NPR2: variants seen among roughly 807,000 people sequenced by gnomAD.
NPR2 encodes the protein atrial natriuretic peptide receptor 2.
A neutral mutation model predicts 120.7 loss-of-function variants in NPR2; 49 were observed. The observed-to-expected ratio is 0.41, with a 90% CI of 0.32 to 0.52. NPR2 has a LOEUF of 0.52. Ranked by LOEUF, NPR2 falls within the 20% of genes least tolerant of loss-of-function variation. The probability of loss-of-function intolerance (pLI) is 0.36; values close to 1 mark genes in which losing one functional copy is unlikely to be tolerated. For synonymous variants in NPR2, 484 were observed against 519.8 expected, an observed-to-expected ratio of 0.93 and a Z score of 0.94; for missense variants, 931 against 1,362.9, an observed-to-expected ratio of 0.68 and a Z score of 4.99.
rs370934186 is a variant in NPR2 at position 35,806,553 on chromosome 9, C to A, written c.2519+15C>A. The A allele has an allele frequency of 6.2e-7, 1 of 1,613,942 alleles. No homozygotes were observed. The highest frequency in any genetic ancestry group is 1.3e-5 in the African/African-American group (1 of 74,900). ...ATCCTACCCCAGTGAGACTTTGTCC[C>A]CCTTCCTGTATTTTCTTTTGGGATT... On this transcript the variant is annotated intron_variant, in intron 16 of 21. Coordinates refer to ENST00000342694, the MANE Select transcript of NPR2 (RefSeq NM_003995.4). This position sits in a 1 kb window ranked among gnomAD's most constrained non-coding sequence, Gnocchi z 4.6.
Position 35,802,101 on chromosome 9 carries a change from C to A in NPR2, c.1632+101C>A. On this transcript the variant is annotated intron_variant, in intron 9 of 21. Coordinates refer to ENST00000342694, the MANE Select transcript of NPR2 (RefSeq NM_003995.4). The surrounding 1 kb of genome is among the most constrained non-coding windows in gnomAD (Gnocchi z 4.2). Reference sequence around the variant, plus strand: ...ACCTCTGTCCCTCATACCCGACTCTCTGTGCCCAGCTGAGCTCCTGGGTGC... The same window carrying A: ...ACCTCTGTCCCTCATACCCGACTCTATGTGCCCAGCTGAGCTCCTGGGTGC... The A allele has an allele frequency of 7.5e-7, 1 of 1,329,898 alleles. No homozygotes were observed. 82.4% of individuals were successfully genotyped at this position (1,329,898 alleles called of 1,614,324 possible).
rs754928680 is a variant in NPR2 at position 35,806,479 on chromosome 9, A to G, written c.2460A>G (p.Thr820=). 6.2e-7 allele frequency: 1 copy of G among 1,614,078 alleles called. No individual in the cohort carries two copies. The highest frequency in any genetic ancestry group is 8.5e-7 in the Non-Finnish European group (1 of 1,180,018). The change falls in exon 16 of 22, where the codon ACA becomes ACG. Residue 820 remains threonine (T), a synonymous_variant. Coordinates refer to ENST00000342694, the MANE Select transcript of NPR2 (RefSeq NM_003995.4). The surrounding 1 kb of genome is among the most constrained non-coding windows in gnomAD (Gnocchi z 4.6). ...NNLEKLVEER[T]QAYLEEKRKA... ...TGGAGAAGCTGGTGGAGGAACGCAC[A>G]CAGGCCTATCTGGAGGAAAAACGCA...
At position 35,804,233 on chromosome 9, in the gene NPR2, CTTT is replaced by C. The variant is rs11328092; in HGVS notation, c.1888-1264_1888-1262del. On this transcript the variant is annotated intron_variant, in intron 12 of 21. Transcript: ENST00000342694. ...TCATTTTTGGGGAGCATCATTAAGA[CTTT>C]TTTTTTTTTTTTTCTGAGACAGGGT... Among the ~76,000 whole-genome samples, 94 of 139,548 alleles carry C rather than the reference CTTT, an allele frequency of 6.7e-4. No individual in the cohort carries two copies. In the East Asian group the frequency reaches 7.6e-3, roughly 11 times the overall value. 91.5% of individuals were successfully genotyped at this position (139,548 alleles called of 152,430 possible).
Position 35,808,045 on chromosome 9 carries a change from T to G in NPR2, c.2713-464T>G, listed in dbSNP as rs1828505618. 6 of 725,576 alleles carry G rather than the reference T, an allele frequency of 8.3e-6. No homozygotes were observed. Among genetic ancestry groups the G allele is most frequent in the Non-Finnish European group, 1.5e-5 (6 of 412,836 alleles). 44.9% of individuals were successfully genotyped at this position (725,576 alleles called of 1,614,324 possible). A position where few individuals can be genotyped will look rare whatever the true frequency, so the allele number is the denominator to read the frequency against. On this transcript the variant is annotated intron_variant, in intron 18 of 21. Coordinates refer to ENST00000342694, the MANE Select transcript of NPR2 (RefSeq NM_003995.4). This position sits in a 1 kb window ranked among gnomAD's most constrained non-coding sequence, Gnocchi z 4.0. ...TATTTCCTAAAAACTTCACTGTGTA[T>G]TTCCTTAAAACAATGGCATTTATTC...
In NPR2 at chr9:35,794,116, C is replaced by T. The variant is rs61758520; in HGVS notation, c.873+13C>T. 5 of 1,610,072 alleles carry T rather than the reference C, an allele frequency of 3.1e-6. No individual in the cohort carries two copies. The Admixed American group carries it at 8.4e-5, about 27-fold the overall frequency. ...AGAGGCCTTTCAGGTATCATTTGAG[C>T]CAAATCTGAAGGAGGAGGGGGAAGA... On this transcript the variant is annotated intron_variant, in intron 2 of 21. Coordinates refer to ENST00000342694, the MANE Select transcript of NPR2 (RefSeq NM_003995.4).
chr9:35,800,904 C>T lies in NPR2; in HGVS notation c.1351+63C>T. On this transcript the variant is annotated intron_variant, in intron 6 of 21. Coordinates refer to ENST00000342694, the MANE Select transcript of NPR2 (RefSeq NM_003995.4). This position sits in a 1 kb window ranked among gnomAD's most constrained non-coding sequence, Gnocchi z 4.7. ...TTTGCTTTCCATTCATGGCCTCCACCCTCACTGACCCTCCACTCTTAACTG... is the reference window on the plus strand; with the variant it reads ...TTTGCTTTCCATTCATGGCCTCCACTCTCACTGACCCTCCACTCTTAACTG... The T allele has an allele frequency of 6.2e-7, 1 of 1,603,176 alleles. No individual in the cohort carries two copies. The highest frequency in any genetic ancestry group is 8.5e-7 in the Non-Finnish European group (1 of 1,170,150).
rs1344772039 is a variant in NPR2, at chr9:35,801,690, G to C, written c.1484G>C (p.Arg495Pro). ...CTGGCTAGCATGTTGTGGCGTATTC[G>C]CTGGGAAGAACTGCAGTTTGGCAAC... ...KELASMLWRI[R>P]WEELQFGNSE... is the part of the protein sequence containing the mutation. The change falls in exon 8 of 22, where the codon CGC (arginine) becomes CCC (proline). Residue 495 changes from arginine (R) to proline (P), a missense_variant. Physicochemically the swap from Arg to Pro is moderately radical, Grantham distance 103. Transcript: ENST00000342694. The C allele has an allele frequency of 6.2e-7, 1 of 1,614,130 alleles. No individual in the cohort carries two copies. Among genetic ancestry groups the C allele is most frequent in the Non-Finnish European group, 8.5e-7 (1 of 1,179,976 alleles).
At chr9:35,807,653 C>G (rs1260311989) in intron 18 of NPR2, among the ~76,000 whole-genome samples, 1 of 152,222 alleles carries the variant, frequency 6.6e-6, no homozygotes, top group Non-Finnish European at 1.5e-5. Context: ...TCCTATCTTC[C>G]TGGAGTATAA....
Position 35,802,139 on chromosome 9 carries a change from C to T in NPR2, c.1633-67C>T. On this transcript the variant is annotated intron_variant, in intron 9 of 21. Transcript: ENST00000342694. The surrounding 1 kb of genome is among the most constrained non-coding windows in gnomAD (Gnocchi z 4.2). ...AGCTCCTGGGTGCTTCCACTGCTCT[C>T]TAGCATTTCCTTGTACCCAGAACTT... 2 of 1,315,362 alleles carry T rather than the reference C, an allele frequency of 1.5e-6. No homozygotes were observed. Among genetic ancestry groups the T allele is most frequent in the Admixed American group, 3.4e-5 (2 of 59,604 alleles). 81.5% of individuals were successfully genotyped at this position (1,315,362 alleles called of 1,614,324 possible).
chr9:35,800,978 C>T lies in NPR2; in HGVS notation c.1352-92C>T. ...CCCTCCCTCCTCATTTCTTCCTACT[C>T]CCAAGGAGTCTGTCTATGCACCTAT... is the stretch of plus-strand genomic sequence containing the variant. On this transcript the variant is annotated intron_variant, in intron 6 of 21. Transcript: ENST00000342694. The surrounding 1 kb of genome is among the most constrained non-coding windows in gnomAD (Gnocchi z 4.7). 1 of 1,526,406 alleles carries T rather than the reference C, an allele frequency of 6.6e-7. No homozygotes were observed. Among genetic ancestry groups the T allele is most frequent in the South Asian group, 1.1e-5 (1 of 89,252 alleles). The allele number at this position is 1,526,406 out of a possible 1,614,324, so 94.6% of individuals were successfully genotyped here.
Position 35,800,667 on chromosome 9 carries a change from G to C in NPR2, c.1219-42G>C. 2 of 1,613,964 alleles carry C rather than the reference G, an allele frequency of 1.2e-6. No individual in the cohort carries two copies. Among genetic ancestry groups the C allele is most frequent in the Non-Finnish European group, 1.7e-6 (2 of 1,180,002 alleles). On this transcript the variant is annotated intron_variant, in intron 5 of 21. Transcript: ENST00000342694. The surrounding 1 kb of genome is among the most constrained non-coding windows in gnomAD (Gnocchi z 4.7). ...CAGCTGGGGTCTGGGGAGGAGGCTG[G>C]TGGGAGCAGGCCTGTGGGCCCAGCT...
At position 35,808,449 on chromosome 9, in the gene NPR2, A is replaced by T; in HGVS notation, c.2713-60A>T. ...GATGGTGTCAAGCTTGTCTCCCTCT[A>T]CTTTTTCCCATCCCCATGGATATAA... is the stretch of plus-strand genomic sequence containing the variant. On this transcript the variant is annotated intron_variant, in intron 18 of 21. Transcript: ENST00000342694. This position sits in a 1 kb window ranked among gnomAD's most constrained non-coding sequence, Gnocchi z 4.0. 1.3e-6 allele frequency: 2 copies of T among 1,565,626 alleles called. No individual in the cohort carries two copies. The highest frequency in any genetic ancestry group is 8.8e-7 in the Non-Finnish European group (1 of 1,137,276).
chr9:35,796,014 TA>T (rs1827935086), intron 2 of NPR2, among the ~76,000 whole-genome samples: 1 of 152,188 alleles, frequency 6.6e-6, no homozygotes, highest in African/African-American at 2.4e-5. Context: ...AGGCAATAAA[TA>T]AGTAAGCAAA....
rs557855021 is a variant in NPR2, at chr9:35,809,592, C to T, written c.*147C>T. On this transcript the variant is annotated 3_prime_UTR_variant, in exon 22 of 22. Transcript: ENST00000342694. The surrounding 1 kb of genome is among the most constrained non-coding windows in gnomAD (Gnocchi z 4.1). ...AACCTACCTTATATGGAAGTTGTAG[C>T]CCTCTGCAGCTCAGCCCTGTACATA... 7.5e-7 allele frequency: 1 copy of T among 1,330,456 alleles called. No individual in the cohort carries two copies. The highest frequency in any genetic ancestry group is 1.4e-5 in the African/African-American group (1 of 69,612). 82.4% of individuals were successfully genotyped at this position (1,330,456 alleles called of 1,614,324 possible).
At chr9:35,794,471 G>A (rs1200874371) in intron 2 of NPR2, among the ~76,000 whole-genome samples, 1 of 152,182 alleles carries the variant, frequency 6.6e-6, no homozygotes, top group Non-Finnish European at 1.5e-5. Context: ...GTCAGACAAA[G>A]TTTGAGAAAG....
rs546079878 is a variant in NPR2, at chr9:35,808,039, T to C, written c.2713-470T>C. ...AGTGTGTATTTCCTAAAAACTTCACTGTGTATTTCCTTAAAACAATGGCAT... is the reference window on the plus strand; with the variant it reads ...AGTGTGTATTTCCTAAAAACTTCACCGTGTATTTCCTTAAAACAATGGCAT... On this transcript the variant is annotated intron_variant, in intron 18 of 21. Coordinates refer to ENST00000342694, the MANE Select transcript of NPR2 (RefSeq NM_003995.4). This position sits in a 1 kb window ranked among gnomAD's most constrained non-coding sequence, Gnocchi z 4.0. 1.4e-6 allele frequency: 1 copy of C among 697,770 alleles called. No homozygotes were observed. The highest frequency in any genetic ancestry group is 2.5e-5 in the East Asian group (1 of 40,492). The allele number at this position is 697,770 out of a possible 1,614,324, so 43.2% of individuals were successfully genotyped here. A position where few individuals can be genotyped will look rare whatever the true frequency, so the allele number is the denominator to read the frequency against.
rs780419617 is a variant in NPR2, at chr9:35,802,691, G to C, written c.1816-41G>C. The C allele has an allele frequency of 1.7e-4, 268 of 1,531,502 alleles. No homozygotes were observed. The East Asian group carries it at 5.9e-3, about 34-fold the overall frequency. 94.9% of individuals were successfully genotyped at this position (1,531,502 alleles called of 1,614,324 possible). On this transcript the variant is annotated intron_variant, in intron 11 of 21. Coordinates refer to ENST00000342694, the MANE Select transcript of NPR2 (RefSeq NM_003995.4). This position sits in a 1 kb window ranked among gnomAD's most constrained non-coding sequence, Gnocchi z 4.2. ...CTGACTCTATGCTGGGTGATAGCTG[G>C]TGGGACCAGGACAGACAGTCTATTC... is the stretch of plus-strand genomic sequence containing the variant.
chr9:35,808,032 A>T lies in NPR2; in HGVS notation c.2713-477A>T, dbSNP rs576861863. 39 of 675,904 alleles carry T rather than the reference A, an allele frequency of 5.8e-5. No homozygotes were observed. The East Asian group carries it at 8.7e-4, about 15-fold the overall frequency. 41.9% of individuals were successfully genotyped at this position (675,904 alleles called of 1,614,324 possible). A position where few individuals can be genotyped will look rare whatever the true frequency, so the allele number is the denominator to read the frequency against. ...AATACTTAGTGTGTATTTCCTAAAA[A>T]CTTCACTGTGTATTTCCTTAAAACA... On this transcript the variant is annotated intron_variant, in intron 18 of 21. Transcript: ENST00000342694. The surrounding 1 kb of genome is among the most constrained non-coding windows in gnomAD (Gnocchi z 4.0).
At chr9:35,794,222 A>G in intron 2 of NPR2, 119 bp downstream of exon 2, 2 of 901,738 alleles carry the variant, frequency 2.2e-6, no homozygotes, top group South Asian at 3.5e-5. Context: ...CACAGGAGTA[A>G]AATGAACAGA....
Sources: gnomAD v4.1 joint callset for allele counts (sites outside exome capture counted in the v4.1 genomes callset) on GRCh38, gnomAD v4.1.1 for gene constraint, Gnocchi (gnomAD v3.1) non-coding constraint, MANE v1.5 for transcripts, NCBI Gene and HGNC (gene_info 2026-07-23, HGNC 2026-07-21) for gene names.